The following RFX1 variants were observed in gnomAD, a reference collection of about 807,000 sequenced individuals.
RFX1 encodes the protein regulatory factor X1, also known as MHC class II regulatory factor RFX1.
In RFX1, 42 loss-of-function variants were observed where a neutral mutation model predicts 119.6. That is an observed-to-expected ratio of 0.35 (90% CI 0.27 to 0.45). RFX1 has a LOEUF of 0.45. RFX1 is among the 20% of genes least tolerant of loss of function. The probability of loss-of-function intolerance (pLI) is 1.00; values close to 1 mark genes in which losing one functional copy is unlikely to be tolerated. For missense variants in RFX1, 1,118 were observed against 1,368.1 expected (o/e 0.82, Z 2.88); for synonymous variants, 628 against 618.5 (o/e 1.02, Z -0.23).
In RFX1 at chr19:13,963,579, G is replaced by A. The variant is rs777646375; in HGVS notation, c.2529C>T (p.Pro843=). The A allele has an allele frequency of 6.2e-7, 1 of 1,604,874 alleles. No homozygotes were observed. The highest frequency in any genetic ancestry group is 8.5e-7 in the Non-Finnish European group (1 of 1,179,378). ...LKPYQGSAGF[P]KAAKLFLLKW... is the part of the protein sequence containing the mutation. ...TGAGGAGGAAGAGCTTGGCGGCCTTGGGGAAGCCGGCGCTGCCCTGGTAGG... is the reference window on the plus strand; with the variant it reads ...TGAGGAGGAAGAGCTTGGCGGCCTTAGGGAAGCCGGCGCTGCCCTGGTAGG... The change falls in exon 18 of 21, where the codon CCC becomes CCT. Residue 843 remains proline, a synonymous_variant. Coordinates refer to ENST00000254325, the MANE Select transcript of RFX1 (RefSeq NM_002918.5).
At position 13,966,632 on chromosome 19, in the gene RFX1, C is replaced by T; in HGVS notation, c.1851+1G>A. 2 of 1,591,246 alleles carry T rather than the reference C, an allele frequency of 1.3e-6. No individual in the cohort carries two copies. The highest frequency in any genetic ancestry group is 8.6e-7 in the Non-Finnish European group (1 of 1,166,170). ...CTTGCCTGCCCACCTGGCCACCCTA[C>T]CTCACAGTGTTCCCGGTACAGGACC... On this transcript the variant is annotated splice_donor_variant, in intron 13 of 20. Transcript: ENST00000254325. LOFTEE classifies it high-confidence loss of function. This position sits in a 1 kb window ranked among gnomAD's most constrained non-coding sequence, Gnocchi z 6.3.
intron 1 of RFX1, among the ~76,000 whole-genome samples, chr19:14,001,611 T>G (rs767822138): frequency 2.0e-5 from 3 of 152,244 alleles, no homozygotes; most frequent in Non-Finnish European, 4.4e-5. Flanking sequence ...GGATTTATTT[T>G]CTTCCTCCTA....
intron 1 of RFX1, among the ~76,000 whole-genome samples, chr19:14,000,299 A>G (rs1376985392): frequency 6.6e-6 from 1 of 152,140 alleles, no homozygotes; most frequent in African/African-American, 2.4e-5. Context: ...CAGTCTAGCC[A>G]ACATGGCGAA....
chr19:13,993,478 GAAC>G (rs1200130428), intron 2 of RFX1, 44 bp downstream of exon 2: 23 of 1,562,064 alleles, frequency 1.5e-5, no homozygotes, highest in African/African-American at 2.7e-5. Context: ...TAGGCTATCT[GAAC>G]AACTCTGAGA....
intron 8 of RFX1, 33 bp from the exon 9 acceptor site, chr19:13,973,160 G>A (rs1974145077): frequency 2.6e-6 from 4 of 1,557,556 alleles, no homozygotes; most frequent in Non-Finnish European, 3.5e-6. Flanking sequence ...GGAGAGTCAG[G>A]GGGATGAGAA....
rs1326776687 is a variant in RFX1, at chr19:13,985,919, G to A, written c.320-2324C>T. ...GGGAGGTGTTGGGGGAGGCCTCCGC[G>A]TAGCCGCATGTGGGCTGTGGGGCAT... On this transcript the variant is annotated intron_variant, in intron 2 of 20. Transcript: ENST00000254325. The surrounding 1 kb of genome is among the most constrained non-coding windows in gnomAD (Gnocchi z 4.3). 6.6e-6 allele frequency among the ~76,000 whole-genome samples: 1 copy of A among 152,126 alleles called. No individual in the cohort carries two copies. Among genetic ancestry groups the A allele is most frequent in the Non-Finnish European group, 1.5e-5 (1 of 68,028 alleles).
chr19:13,973,626 TTTTA>T (rs1364729762), intron 8 of RFX1, among the ~76,000 whole-genome samples: 24 of 152,050 alleles, frequency 1.6e-4, no homozygotes, highest in Admixed American at 1.4e-3. Context: ...ATTTTTGTTA[TTTTA>T]TTTATTTATT....
chr19:13,973,187 C>T (rs2145563887), intron 8 of RFX1, 60 bp from the exon 9 acceptor site: 1 of 1,268,808 alleles, frequency 7.9e-7, no homozygotes, highest in Non-Finnish European at 1.1e-6. Flanking sequence ...GGCCGAGGGG[C>T]ATGACTGTGC....
chr19:13,993,913 G>A lies in RFX1; in HGVS notation c.-52-18C>T. ...TTTAATTCCTTGGGAAGAAAGACGG[G>A]GATGGGGGAGAGAAAAACAAAACAA... is the stretch of plus-strand genomic sequence containing the variant. On this transcript the variant is annotated intron_variant, in intron 1 of 20. Coordinates refer to ENST00000254325, the MANE Select transcript of RFX1 (RefSeq NM_002918.5). 1 of 1,250,922 alleles carries A rather than the reference G, an allele frequency of 8.0e-7. No homozygotes were observed. Among genetic ancestry groups the A allele is most frequent in the Non-Finnish European group, 1.1e-6 (1 of 904,652 alleles). 77.5% of individuals were successfully genotyped at this position (1,250,922 alleles called of 1,614,324 possible).
intron 1 of RFX1, among the ~76,000 whole-genome samples, chr19:14,005,366 G>C (rs985870531): frequency 6.6e-6 from 1 of 152,196 alleles, no homozygotes; most frequent in Non-Finnish European, 1.5e-5. Context: ...GAGAGAAGGT[G>C]GCAGGTTTAG....
intron 16 of RFX1, among the ~76,000 whole-genome samples, chr19:13,964,382 A>G (rs942375691): frequency 1.4e-5 from 2 of 147,578 alleles, no homozygotes; most frequent in African/African-American, 5.2e-5. Flanking sequence ...CGTGCCAGGA[A>G]AGGCCTTTTT....
At chr19:13,995,919 T>G (rs984836666) in intron 1 of RFX1, among the ~76,000 whole-genome samples, 1 of 144,762 alleles carries the variant, frequency 6.9e-6, no homozygotes, top group Non-Finnish European at 1.5e-5. Flanking sequence ...TCCCAGCTAC[T>G]CAGGAGGCTG....
At position 13,966,878 on chromosome 19, in the gene RFX1, G is replaced by T; in HGVS notation, c.1733-127C>A. 1 of 629,718 alleles carries T rather than the reference G, an allele frequency of 1.6e-6. No individual in the cohort carries two copies. Among genetic ancestry groups the T allele is most frequent in the East Asian group, 2.9e-5 (1 of 34,808 alleles). 39.0% of individuals were successfully genotyped at this position (629,718 alleles called of 1,614,324 possible). A position where few individuals can be genotyped will look rare whatever the true frequency, so the allele number is the denominator to read the frequency against. On this transcript the variant is annotated intron_variant, in intron 12 of 20. Coordinates refer to ENST00000254325, the MANE Select transcript of RFX1 (RefSeq NM_002918.5). This position sits in a 1 kb window ranked among gnomAD's most constrained non-coding sequence, Gnocchi z 6.3. The stretch of plus-strand genomic sequence containing the variant: ...GTGCCGGTGAGACAACGCTAGGTGG[G>T]GTGAGCGCCTGGCCCGGGCCCAGGA...
intron 1 of RFX1, among the ~76,000 whole-genome samples, chr19:13,995,986 G>A (rs1975003479): frequency 6.6e-6 from 1 of 152,006 alleles, no homozygotes; most frequent in African/African-American, 2.4e-5. Flanking sequence ...TGTGAGCCGA[G>A]ATTGTTCCAC....
At chr19:13,979,969 CCTGGACCTAGGT>C (rs1377620541) in intron 6 of RFX1, among the ~76,000 whole-genome samples, 4 of 151,976 alleles carry the variant, frequency 2.6e-5, no homozygotes, top group Non-Finnish European at 4.4e-5. Flanking sequence ...GGAGCTGGGG[CCTGGACCTAGGT>C]CTGGAGGTTC....
At chr19:13,964,639 G>A (rs914255387) in intron 16 of RFX1, among the ~76,000 whole-genome samples, 36 of 152,010 alleles carry the variant, frequency 2.4e-4, no homozygotes, top group Admixed American at 1.8e-3. Context: ...ACACCACCAC[G>A]CCGGGCTAAT....
chr19:13,969,782 C>T lies in RFX1; in HGVS notation c.1496+212G>A, dbSNP rs115206337. 2.6e-3 allele frequency: 1,235 copies of T among 478,338 alleles called. 11 individuals are homozygous for T. Among genetic ancestry groups the T allele is most frequent in the African/African-American group, 0.021 (1,086 of 51,020 alleles). 29.6% of individuals were successfully genotyped at this position (478,338 alleles called of 1,614,324 possible). A position where few individuals can be genotyped will look rare whatever the true frequency, so the allele number is the denominator to read the frequency against. On this transcript the variant is annotated intron_variant, in intron 10 of 20. Coordinates refer to ENST00000254325, the MANE Select transcript of RFX1 (RefSeq NM_002918.5). This position sits in a 1 kb window ranked among gnomAD's most constrained non-coding sequence, Gnocchi z 4.5. ...AGTTTTAGTTGAGGCAGTCAGGGGA[C>T]GTGCAAGTAAGGAGGGGTGAGAAGC... is the stretch of plus-strand genomic sequence containing the variant.
In RFX1 at chr19:13,968,611, C is replaced by A; in HGVS notation, c.1686G>T (p.Gly562=). The A allele has an allele frequency of 6.2e-7, 1 of 1,613,332 alleles. No homozygotes were observed. Among genetic ancestry groups the A allele is most frequent in the Non-Finnish European group, 8.5e-7 (1 of 1,179,992 alleles). The part of the protein sequence containing the change: ...GVAVGQQPST[G]LSDISAQVQQ... ...GCACCTGGGCGCTGATGTCCGACAG[C>A]CCCGTGCTCGGCTGCTGCCCCACCG... Residue 562 remains glycine, a synonymous_variant, in exon 12 of 21, where the codon GGG becomes GGT. Transcript: ENST00000254325. This position sits in a 1 kb window ranked among gnomAD's most constrained non-coding sequence, Gnocchi z 5.5.
Position 13,993,713 on chromosome 19 carries a change from G to C in RFX1, c.131C>G (p.Pro44Arg). 1 of 1,580,810 alleles carries C rather than the reference G, an allele frequency of 6.3e-7. No homozygotes were observed. The highest frequency in any genetic ancestry group is 2.3e-5 in the East Asian group (1 of 44,158). Residue 44 changes from proline to arginine, a missense_variant, in exon 2 of 21, where the codon CCC (proline) becomes CGC (arginine). Pro to Arg is a moderately radical substitution (Grantham distance 103, BLOSUM62 -2). Around this residue, in one of 5 missense-constraint regions of RFX1, gnomAD observed 542 missense variants for 602.7 expected, o/e 0.90. Coordinates refer to ENST00000254325, the MANE Select transcript of RFX1 (RefSeq NM_002918.5). Reference sequence around the variant, plus strand: ...GGGCTGAGGGGTGGCAGCAGCGGTGGGTGGCTGCGGGGGCTGGGGTGCCGC... The same window carrying C: ...GGGCTGAGGGGTGGCAGCAGCGGTGCGTGGCTGCGGGGGCTGGGGTGCCGC... ...PPAAPQPPQP[P>R]TAAATPQPQY...
Sources: gnomAD v4.1 joint callset for allele counts (sites outside exome capture counted in the v4.1 genomes callset) on GRCh38, gnomAD v4.1.1 for gene constraint, gnomAD v4.1.1 regional missense constraint, Gnocchi (gnomAD v3.1) non-coding constraint, MANE v1.5 for transcripts, NCBI Gene and HGNC (gene_info 2026-07-23, HGNC 2026-07-21) for gene names.